Variants in CDC42BPB observed in about 807,000 individuals in gnomAD.
The protein encoded by CDC42BPB is serine/threonine-protein kinase MRCK beta.
Under a neutral mutation model 214.9 loss-of-function variants are expected in CDC42BPB, and 37 were observed. That is an observed-to-expected ratio of 0.17 (90% CI 0.13 to 0.23). The LOEUF (loss-of-function observed/expected upper bound fraction) is 0.23. Ranked by LOEUF, CDC42BPB falls within the 10% of genes least tolerant of loss-of-function variation. The pLI, the probability that CDC42BPB is intolerant of heterozygous loss-of-function variation, is 1.00. For synonymous variants in CDC42BPB, 931 were observed against 884.0 expected (o/e 1.05, Z -0.94); for missense variants, 1,694 against 2,227.0 (o/e 0.76, Z 4.82).
At chr14:103,021,333 G>T (rs1269724563) in intron 1 of CDC42BPB, among the ~76,000 whole-genome samples, 1 of 152,154 alleles carries the variant, frequency 6.6e-6, no homozygotes, top group African/African-American at 2.4e-5. Flanking sequence ...AGGCGTGGTG[G>T]CGGGCACCTG....
intron 4 of CDC42BPB, among the ~76,000 whole-genome samples, chr14:103,002,603 A>G (rs989969632): frequency 1.3e-5 from 2 of 152,094 alleles, no homozygotes; most frequent in African/African-American, 4.8e-5. Context: ...AGGGACACTG[A>G]GCAGGAAGCG....
At chr14:102,937,964 C>G in intron 36 of CDC42BPB, 140 bp downstream of exon 36, 1 of 890,260 alleles carries the variant, frequency 1.1e-6, no homozygotes, top group Non-Finnish European at 1.9e-6. Flanking sequence ...CCACCCCGAC[C>G]CCTGCCCCCG....
chr14:102,976,230 T>G, intron 9 of CDC42BPB, 181 bp from the exon 10 acceptor site: 3 of 985,192 alleles, frequency 3.0e-6, no homozygotes, highest in Non-Finnish European at 3.6e-6. Context: ...AAGGAGACAC[T>G]GACAAGGGCC....
chr14:102,961,952 A>G (rs1039558924), intron 20 of CDC42BPB, among the ~76,000 whole-genome samples: 1 of 152,252 alleles, frequency 6.6e-6, no homozygotes, highest in Non-Finnish European at 1.5e-5. Flanking sequence ...CCCAAAATGC[A>G]AAAGGCTTTT....
intron 1 of CDC42BPB, among the ~76,000 whole-genome samples, chr14:103,038,248 T>C (rs536861227): frequency 2.1e-5 from 3 of 142,388 alleles, no homozygotes; most frequent in East Asian, 2.2e-4. Context: ...GGCAGGAGAA[T>C]AGCGTGAACC....
chr14:103,027,843 C>A (rs1887138397), intron 1 of CDC42BPB, among the ~76,000 whole-genome samples: 1 of 152,108 alleles, frequency 6.6e-6, no homozygotes. Flanking sequence ...ACACTTAAAT[C>A]AAAAAGCCAG....
chr14:103,000,093 C>T (rs1024568730), intron 4 of CDC42BPB, among the ~76,000 whole-genome samples: 4 of 152,076 alleles, frequency 2.6e-5, no homozygotes, highest in Admixed American at 1.3e-4. Flanking sequence ...TATGTGAGGA[C>T]GACACCAGAC....
chr14:102,961,731 T>TG (rs1030352065), intron 20 of CDC42BPB, among the ~76,000 whole-genome samples: 133 of 152,284 alleles, frequency 8.7e-4, no homozygotes, highest in African/African-American at 3.0e-3. Flanking sequence ...TTACAAGAGA[T>TG]GGGGTTTCTC....
At chr14:102,986,334 T>C in intron 6 of CDC42BPB, 153 bp downstream of exon 6, 1 of 572,334 alleles carries the variant, frequency 1.7e-6, no homozygotes, top group Non-Finnish European at 3.1e-6. Flanking sequence ...GAAACAAAAC[T>C]CCCCAAACAG....
chr14:102,956,041 C>T (rs922488447), intron 21 of CDC42BPB, among the ~76,000 whole-genome samples: 1 of 152,158 alleles, frequency 6.6e-6, no homozygotes, highest in African/African-American at 2.4e-5. Flanking sequence ...GCCCCATAAA[C>T]AAGGTATGTT....
At chr14:103,016,886 G>C (rs1886495904) in intron 1 of CDC42BPB, among the ~76,000 whole-genome samples, 1 of 152,100 alleles carries the variant, frequency 6.6e-6, no homozygotes, top group African/African-American at 2.4e-5. Flanking sequence ...GGTCTCTAAA[G>C]ACCATTCTCC....
At chr14:102,986,672 T>C in intron 5 of CDC42BPB, 92 bp from the exon 6 acceptor site, 2 of 1,519,418 alleles carry the variant, frequency 1.3e-6, no homozygotes, top group Non-Finnish European at 8.8e-7. Flanking sequence ...GATGAATAAA[T>C]GCTAATATCC....
At position 103,056,897 on chromosome 14, in the gene CDC42BPB, C is replaced by T; in HGVS notation, c.175+102G>A. On this transcript the variant is annotated intron_variant, in intron 1 of 36. Transcript: ENST00000361246. Reference sequence around the variant, plus strand: ...CCCACGAGCTGGGTGGGCAGGAGGGCGGCAGGGTCTGTCCGGGCGGGGATG... The same window carrying T: ...CCCACGAGCTGGGTGGGCAGGAGGGTGGCAGGGTCTGTCCGGGCGGGGATG... The T allele has an allele frequency of 6.9e-6, 5 of 729,154 alleles. No homozygotes were observed. In the East Asian group the frequency reaches 1.5e-4, roughly 22 times the overall value. The allele number at this position is 729,154 out of a possible 1,614,324, so 45.2% of individuals were successfully genotyped here. A position where few individuals can be genotyped will look rare whatever the true frequency, so the allele number is the denominator to read the frequency against.
chr14:102,982,026 C>T (rs1416925056), intron 7 of CDC42BPB, among the ~76,000 whole-genome samples: 4 of 152,168 alleles, frequency 2.6e-5, no homozygotes, highest in African/African-American at 4.8e-5. Flanking sequence ...ACCTGCTTCA[C>T]GGAGTGCCTG....
At chr14:103,019,814 C>G (rs8020700) in intron 1 of CDC42BPB, among the ~76,000 whole-genome samples, 10,942 of 152,272 alleles carry the variant, frequency 0.072, 896 homozygotes, top group African/African-American at 0.2. Flanking sequence ...CTCTAGAAAA[C>G]AATGGATTAA....
chr14:103,041,619 G>T, intron 1 of CDC42BPB: 1 of 769,224 alleles, frequency 1.3e-6, no homozygotes, highest in South Asian at 1.5e-5. Flanking sequence ...ACACCGCGTT[G>T]GGACCCATCC....
chr14:102,944,653 A>T lies in CDC42BPB; in HGVS notation c.3812-166T>A. ...GCCCTGAGCCCGTCTCTGCCCACAGAGCCAGTGGCTTGAACGCCCCCCGGA... is the reference window on the plus strand; with the variant it reads ...GCCCTGAGCCCGTCTCTGCCCACAGTGCCAGTGGCTTGAACGCCCCCCGGA... On this transcript the variant is annotated intron_variant, in intron 29 of 36. Transcript: ENST00000361246. The surrounding 1 kb of genome is among the most constrained non-coding windows in gnomAD (Gnocchi z 6.6). 1 of 985,196 alleles carries T rather than the reference A, an allele frequency of 1.0e-6. No homozygotes were observed. The highest frequency in any genetic ancestry group is 1.2e-6 in the Non-Finnish European group (1 of 829,872). 61.0% of individuals were successfully genotyped at this position (985,196 alleles called of 1,614,324 possible).
intron 1 of CDC42BPB, among the ~76,000 whole-genome samples, chr14:103,025,448 T>C (rs148967435): frequency 0.011 from 1,672 of 150,046 alleles, 16 homozygotes; most frequent in Non-Finnish European, 0.017. Flanking sequence ...ACTACCCAAA[T>C]GTCCACTCAC....
chr14:102,980,721 T>G, intron 8 of CDC42BPB, 52 bp downstream of exon 8: 1 of 1,574,476 alleles, frequency 6.4e-7, no homozygotes, highest in Non-Finnish European at 8.7e-7. Context: ...AACACAGCAC[T>G]GCATGTCAGA....
Sources: gnomAD v4.1 joint callset for allele counts (sites outside exome capture counted in the v4.1 genomes callset) on GRCh38, gnomAD v4.1.1 for gene constraint, Gnocchi (gnomAD v3.1) non-coding constraint, MANE v1.5 for transcripts, NCBI Gene and HGNC (gene_info 2026-07-23, HGNC 2026-07-21) for gene names.